The following MYO9B variants were observed in gnomAD, a reference collection of about 807,000 sequenced individuals.
MYO9B encodes the protein unconventional myosin-IXb.
In MYO9B, 71 loss-of-function variants were observed where a neutral mutation model predicts 229.5. The ratio of observed to expected loss-of-function variants is 0.31; its 90% CI spans 0.26 to 0.38. The LOEUF is 0.38. Among genes scored for constraint, MYO9B ranks in the 10% least tolerant of loss-of-function variants. MYO9B has a pLI of 1.00. For synonymous variants in MYO9B, 1,185 were observed against 1,235.8 expected (o/e 0.96, Z 0.86); for missense variants, 2,255 against 2,920.5 (o/e 0.77, Z 5.25).
At chr19:17,154,215 G>A (rs1275939775) in intron 5 of MYO9B, 100 bp from the exon 6 acceptor site, 1 of 1,361,958 alleles carries the variant, frequency 7.3e-7, no homozygotes, top group Non-Finnish European at 1.0e-6. Flanking sequence ...CATTCCCCTG[G>A]TCCTGGGGCC....
intron 10 of MYO9B, among the ~76,000 whole-genome samples, chr19:17,164,981 C>A (rs2072643127): frequency 6.6e-6 from 1 of 152,144 alleles, no homozygotes. Flanking sequence ...CCTACCACCA[C>A]AGCCCCCTGA....
intron 7 of MYO9B, 110 bp downstream of exon 7, chr19:17,157,148 A>C: frequency 1.5e-6 from 2 of 1,326,482 alleles, no homozygotes. Context: ...GGTTTCATCA[A>C]CCAGGACCTC....
At chr19:17,210,448 GC>G in intron 37 of MYO9B, 68 bp downstream of exon 37, 1 of 1,481,342 alleles carries the variant, frequency 6.8e-7, no homozygotes, top group East Asian at 2.5e-5. Context: ...GTTCCCTGGG[GC>G]CCTGGGCCCC....
chr19:17,174,323 G>A (rs992121795), intron 13 of MYO9B, among the ~76,000 whole-genome samples: 29 of 152,088 alleles, frequency 1.9e-4, no homozygotes, highest in East Asian at 1.6e-3. Context: ...GAGCCACCAC[G>A]CCTGGCCAAT....
At chr19:17,128,521 C>A (rs1342664419) in intron 2 of MYO9B, among the ~76,000 whole-genome samples, 3 of 152,250 alleles carry the variant, frequency 2.0e-5, no homozygotes, top group Non-Finnish European at 4.4e-5. Context: ...AGAGCAGAAC[C>A]CCCCGGTCCC....
At chr19:17,086,772 C>T (rs576156986) in intron 1 of MYO9B, among the ~76,000 whole-genome samples, 1 of 151,914 alleles carries the variant, frequency 6.6e-6, no homozygotes, top group Admixed American at 6.6e-5. Flanking sequence ...CCCAGCTACT[C>T]GGGAGGCTGA....
Position 17,198,234 on chromosome 19 carries a change from C to T in MYO9B, c.4164C>T (p.Val1388=). The change falls in exon 24 of 40, where the codon GTC becomes GTT. Residue 1388 remains valine, a synonymous_variant. Coordinates refer to ENST00000682292, the MANE Select transcript of MYO9B (RefSeq NM_004145.4). ...DGERSAKKPA[V]QKKKPGDASS... Reference sequence around the variant, plus strand: ...AGCGAAGTGCGAAAAAGCCAGCTGTCCAGAAGAAGAAGCCAGGCGACGCAT... The same window carrying T: ...AGCGAAGTGCGAAAAAGCCAGCTGTTCAGAAGAAGAAGCCAGGCGACGCAT... The T allele has an allele frequency of 1.2e-6, 2 of 1,613,886 alleles. No homozygotes were observed. The highest frequency in any genetic ancestry group is 1.7e-6 in the Non-Finnish European group (2 of 1,179,878).
intron 1 of MYO9B, among the ~76,000 whole-genome samples, chr19:17,084,670 C>G (rs1243647956): frequency 6.6e-6 from 1 of 150,596 alleles, no homozygotes; most frequent in Non-Finnish European, 1.5e-5. Context: ...TTGAGACCAG[C>G]CTGGCCAACA....
Position 17,185,938 on chromosome 19 carries a change from C to A in MYO9B, c.2514C>A (p.Leu838=). 6.2e-7 allele frequency: 1 copy of A among 1,613,912 alleles called. No individual in the cohort carries two copies. The highest frequency in any genetic ancestry group is 1.1e-5 in the South Asian group (1 of 91,076). ...CTTAACAGACATCCCTTAACAAGCT[C>A]TTGGAGGCACTGGGGAAGGCGGAGC... The part of the protein sequence containing the change: ...SAQFQTSLNK[L]LEALGKAEPF... The change falls in exon 18 of 40, where the codon CTC becomes CTA. Residue 838 remains leucine, a synonymous_variant. Transcript: ENST00000682292.
At chr19:17,090,034 A>G (rs2057621507) in intron 1 of MYO9B, among the ~76,000 whole-genome samples, 1 of 138,690 alleles carries the variant, frequency 7.2e-6, no homozygotes, top group Non-Finnish European at 1.5e-5. Context: ...CACACCCCAT[A>G]TGGTCTTTCG....
At chr19:17,154,170 C>A in intron 5 of MYO9B, 104 bp downstream of exon 5, 2 of 1,340,810 alleles carry the variant, frequency 1.5e-6, no homozygotes, top group Non-Finnish European at 2.1e-6. Context: ...GGCCCCCGAA[C>A]CCGCTCCCAG....
intron 1 of MYO9B, among the ~76,000 whole-genome samples, chr19:17,076,891 T>G (rs1157463588): frequency 6.6e-6 from 1 of 152,182 alleles, no homozygotes; most frequent in Non-Finnish European, 1.5e-5. Flanking sequence ...ACAGGAAATC[T>G]GTCCCCCGGT....
chr19:17,161,987 CAAAA>C (rs71180369), intron 8 of MYO9B, among the ~76,000 whole-genome samples: 6 of 110,216 alleles, frequency 5.4e-5, no homozygotes, highest in Admixed American at 2.9e-4. Context: ...GACCCTGTGT[CAAAA>C]AAAAAAAAAA....
intron 9 of MYO9B, among the ~76,000 whole-genome samples, chr19:17,162,751 A>G (rs950951748): frequency 6.6e-6 from 1 of 152,082 alleles, no homozygotes; most frequent in African/African-American, 2.4e-5. Context: ...TGAGCCCAGG[A>G]GGTCAAGGCT....
At chr19:17,090,958 G>A (rs1206553379) in intron 1 of MYO9B, among the ~76,000 whole-genome samples, 1 of 152,112 alleles carries the variant, frequency 6.6e-6, no homozygotes, top group Non-Finnish European at 1.5e-5. Context: ...GGGATCTTAA[G>A]CCACAGTAAG....
chr19:17,176,121 G>A (rs1271635726), intron 14 of MYO9B, among the ~76,000 whole-genome samples: 2 of 152,054 alleles, frequency 1.3e-5, no homozygotes, highest in Non-Finnish European at 2.9e-5. Context: ...GCTCCGCCTC[G>A]CAGGTTCATG....
chr19:17,209,372 C>G (rs1599430689), intron 35 of MYO9B, among the ~76,000 whole-genome samples: 1 of 152,224 alleles, frequency 6.6e-6, no homozygotes, highest in Admixed American at 6.5e-5. Context: ...CTCCTTCAAA[C>G]AAGGAGGCGT....
rs937843840 is a variant in MYO9B at position 17,205,898 on chromosome 19, C to A, written c.5065-62C>A. 1.6e-5 allele frequency: 23 copies of A among 1,479,598 alleles called. No individual in the cohort carries two copies. The African/African-American group carries it at 3.2e-4, about 21-fold the overall frequency. The allele number at this position is 1,479,598 out of a possible 1,614,324, so 91.7% of individuals were successfully genotyped here. A position where few individuals can be genotyped will look rare whatever the true frequency, so the allele number is the denominator to read the frequency against. On this transcript the variant is annotated intron_variant, in intron 31 of 39. Transcript: ENST00000682292. ...TGCGGGACCAGGAGGCAGAGGCCCC[C>A]AGAGACAGCTGGAGAGGAAGACAGC...
chr19:17,169,386 A>AAC (rs2072696095), intron 11 of MYO9B, among the ~76,000 whole-genome samples: 1 of 151,382 alleles, frequency 6.6e-6, no homozygotes, highest in Admixed American at 6.6e-5. Flanking sequence ...AAAAAAAAAA[A>AAC]AAAAAAGATT....
Sources: allele counts gnomAD v4.1 joint callset (sites outside exome capture counted in the v4.1 genomes callset), GRCh38; gene constraint gnomAD v4.1.1; transcripts MANE v1.5; gene names NCBI Gene and HGNC (gene_info 2026-07-23, HGNC 2026-07-21).